Variants in FAT3 observed in about 807,000 individuals in gnomAD.
FAT3 encodes FAT atypical cadherin 3, also known as protocadherin Fat 3.
Under a neutral mutation model 310.2 loss-of-function variants are expected in FAT3, and 95 were observed. The observed-to-expected ratio is 0.31, with a 90% CI of 0.26 to 0.36. The LOEUF is 0.36. Ranked by LOEUF, FAT3 falls within the 10% of genes least tolerant of loss-of-function variation. FAT3 has a pLI of 1.00. For synonymous variants in FAT3, 2,314 were observed against 2,192.9 expected, an observed-to-expected ratio of 1.06 and a Z score of -1.54; for missense variants, 5,408 against 5,715.6, an observed-to-expected ratio of 0.95 and a Z score of 1.74.
chr11:92,701,923 A>T lies in FAT3; in HGVS notation c.3669+4478A>T, dbSNP rs192215970. Among the ~76,000 whole-genome samples, 15 of 152,120 alleles carry T rather than the reference A, an allele frequency of 9.9e-5. 1 individual carries two copies. In the East Asian group the frequency reaches 2.9e-3, roughly 29 times the overall value. Reference sequence around the variant, plus strand: ...TTTCTTTCCTTGTTTTTTACCTATGAGATGTTTAAGCTCCCTGTGGGCATG... The same window carrying T: ...TTTCTTTCCTTGTTTTTTACCTATGTGATGTTTAAGCTCCCTGTGGGCATG... On this transcript the variant is annotated intron_variant, in intron 4 of 27. Transcript: ENST00000525166.
intron 19 of FAT3, among the ~76,000 whole-genome samples, chr11:92,848,099 A>G (rs570052337): frequency 7.0e-4 from 107 of 152,318 alleles, no homozygotes; most frequent in Non-Finnish European, 1.4e-3. Flanking sequence ...TGGGCTGTGT[A>G]GTAATGTATA....
intron 3 of FAT3, among the ~76,000 whole-genome samples, chr11:92,649,904 T>C (rs867333519): frequency 0.056 from 4,102 of 73,474 alleles, 383 homozygotes; most frequent in African/African-American, 0.16. Flanking sequence ...TATATATATA[T>C]ATATATATAT....
rs1949656444 is a variant in FAT3, at chr11:92,880,822, A to G, written c.12219A>G (p.Gly4073=). Reference sequence around the variant, plus strand: ...TCCCAAACCCCTGCCGGAATGGAGGATCCTGCGATCCAATAGGAAACACTT... The same window carrying G: ...TCCCAAACCCCTGCCGGAATGGAGGGTCCTGCGATCCAATAGGAAACACTT... ...ACFPNPCRNG[G]SCDPIGNTFI... The change falls in exon 23 of 28, where the codon GGA becomes GGG. Residue 4073 remains glycine, a synonymous_variant. Coordinates refer to ENST00000525166, the MANE Select transcript of FAT3 (RefSeq NM_001367949.2). 1 of 1,613,834 alleles carries G rather than the reference A, an allele frequency of 6.2e-7. No homozygotes were observed. The highest frequency in any genetic ancestry group is 1.7e-5 in the Admixed American group (1 of 60,004).
intron 3 of FAT3, among the ~76,000 whole-genome samples, chr11:92,636,099 G>T (rs968294520): frequency 6.6e-6 from 1 of 152,106 alleles, no homozygotes; most frequent in Non-Finnish European, 1.5e-5. Flanking sequence ...GAGTAACTGG[G>T]ACTACAGGTG....
intron 3 of FAT3, among the ~76,000 whole-genome samples, chr11:92,571,859 T>C (rs550930227): frequency 9.8e-4 from 150 of 152,356 alleles, no homozygotes; most frequent in Admixed American, 8.5e-4. Flanking sequence ...CCGTTTTTTC[T>C]CAGCTTTCTT....
At chr11:92,422,518 G>T (rs1041354823) in intron 2 of FAT3, among the ~76,000 whole-genome samples, 1 of 152,152 alleles carries the variant, frequency 6.6e-6, no homozygotes, top group African/African-American at 2.4e-5. Context: ...AAGGGAATGG[G>T]GTTAAAGGGC....
At chr11:92,365,553 T>C (rs1948995653) in intron 2 of FAT3, among the ~76,000 whole-genome samples, 1 of 152,236 alleles carries the variant, frequency 6.6e-6, no homozygotes, top group Admixed American at 6.5e-5. Flanking sequence ...AGCTTTGCAC[T>C]GAAGAGGATG....
chr11:92,753,798 G>GTGTGTGTGTGTATATATATATATATA lies in FAT3; in HGVS notation c.3670-8057_3670-8056insGTGTGTGTGTATATATATATATATAT. 6.7e-5 allele frequency among the ~76,000 whole-genome samples: 8 copies of GTGTGTGTGTGTATATATATATATATA among 119,172 alleles called. 1 individual carries two copies. The highest frequency in any genetic ancestry group is 2.3e-4 in the East Asian group (1 of 4,412). The allele number at this position is 119,172 out of a possible 152,430, so 78.2% of individuals were successfully genotyped here. ...GGTGTGTGTGTGTGTGTGTGTGTGTGTATATATATATGGTGGAATACTACT... is the reference window on the plus strand; with the variant it reads ...GGTGTGTGTGTGTGTGTGTGTGTGTGTGTGTGTGTGTATATATATATATATATATATATATATGGTGGAATACTACT... On this transcript the variant is annotated intron_variant, in intron 4 of 27. Transcript: ENST00000525166.
At chr11:92,269,004 T>A (rs1051638914) in intron 1 of FAT3, among the ~76,000 whole-genome samples, 1 of 152,190 alleles carries the variant, frequency 6.6e-6, no homozygotes, top group Non-Finnish European at 1.5e-5. Context: ...TTTAACATGA[T>A]GAGCTGGAAT....
chr11:92,604,362 CCTTA>C (rs1190603965), intron 3 of FAT3, among the ~76,000 whole-genome samples: 1 of 152,124 alleles, frequency 6.6e-6, no homozygotes, highest in African/African-American at 2.4e-5. Context: ...TTTAATTAGT[CCTTA>C]CTTCCTTCTA....
chr11:92,439,346 C>A (rs750400848), intron 2 of FAT3, among the ~76,000 whole-genome samples: 4 of 152,062 alleles, frequency 2.6e-5, no homozygotes, highest in Non-Finnish European at 4.4e-5. Context: ...CTTTCATATT[C>A]CACAATATGA....
chr11:92,604,983 G>A lies in FAT3; in HGVS notation c.3607+80035G>A, dbSNP rs186383365. ...GCTTATGAAGATAAAAACAAGATATGTACAGGAAGCATTAGGCAGTGCCTG... is the reference window on the plus strand; with the variant it reads ...GCTTATGAAGATAAAAACAAGATATATACAGGAAGCATTAGGCAGTGCCTG... On this transcript the variant is annotated intron_variant, in intron 3 of 27. Coordinates refer to ENST00000525166, the MANE Select transcript of FAT3 (RefSeq NM_001367949.2). Among the ~76,000 whole-genome samples the A allele has an allele frequency of 8.5e-5, 13 of 152,286 alleles. No homozygotes were observed. The East Asian group carries it at 2.5e-3, about 29-fold the overall frequency.
chr11:92,768,125 T>C (rs1385176551), intron 6 of FAT3, among the ~76,000 whole-genome samples: 2 of 152,220 alleles, frequency 1.3e-5, no homozygotes, highest in Admixed American at 6.5e-5. Flanking sequence ...TTCATTGGTG[T>C]ATTTCTAAAT....
Position 92,317,933 on chromosome 11 carries a change from G to T in FAT3, c.-17-34163G>T, listed in dbSNP as rs887003106. Among the ~76,000 whole-genome samples, 6 of 152,222 alleles carry T rather than the reference G, an allele frequency of 3.9e-5. No homozygotes were observed. The East Asian group carries it at 9.7e-4, about 25-fold the overall frequency. ...AAGTCTCCAGCTGTGATGGAACTTT[G>T]CCCACAGTGACAGGAGGGAGTTATT... On this transcript the variant is annotated intron_variant, in intron 1 of 27. Transcript: ENST00000525166.
chr11:92,433,613 T>C (rs1289536438), intron 2 of FAT3, among the ~76,000 whole-genome samples: 1 of 152,132 alleles, frequency 6.6e-6, no homozygotes, highest in Non-Finnish European at 1.5e-5. Flanking sequence ...CAGTTGGAAA[T>C]GCAGAAATCA....
chr11:92,717,349 C>T (rs944371804), intron 4 of FAT3, among the ~76,000 whole-genome samples: 2 of 152,168 alleles, frequency 1.3e-5, no homozygotes, highest in Non-Finnish European at 2.9e-5. Flanking sequence ...CCTAATTCAG[C>T]GCTTCAGCTA....
chr11:92,431,231 T>C (rs1950765145), intron 2 of FAT3, among the ~76,000 whole-genome samples: 1 of 152,228 alleles, frequency 6.6e-6, no homozygotes, highest in East Asian at 1.9e-4. Flanking sequence ...TATCTCATTG[T>C]GGTTTTGATT....
At chr11:92,526,281 G>T (rs1382937758) in intron 3 of FAT3, among the ~76,000 whole-genome samples, 1 of 152,172 alleles carries the variant, frequency 6.6e-6, no homozygotes, top group Non-Finnish European at 1.5e-5. Flanking sequence ...TAGCCACAGA[G>T]AAATGAATTC....
chr11:92,523,500 C>T (rs567024118), intron 2 of FAT3, among the ~76,000 whole-genome samples: 10 of 152,250 alleles, frequency 6.6e-5, no homozygotes, highest in Admixed American at 1.3e-4. Flanking sequence ...CCTCTCTCCC[C>T]GTTGCTGTAC....
Sources: gnomAD v4.1 joint callset for allele counts (sites outside exome capture counted in the v4.1 genomes callset) on GRCh38, gnomAD v4.1.1 for gene constraint, MANE v1.5 for transcripts, NCBI Gene and HGNC (gene_info 2026-07-23, HGNC 2026-07-21) for gene names.